IGF1R: variants seen among roughly 807,000 people sequenced by gnomAD.
The protein encoded by IGF1R is insulin-like growth factor 1 receptor.
Under a neutral mutation model 144.6 loss-of-function variants are expected in IGF1R, and 44 were observed. The ratio of observed to expected loss-of-function variants is 0.30; its 90% CI spans 0.24 to 0.39. The LOEUF (loss-of-function observed/expected upper bound fraction) is 0.39, where lower values mean the gene tolerates loss of function less well. IGF1R is among the 10% of genes least tolerant of loss of function. The probability of loss-of-function intolerance (pLI) is 1.00; values close to 1 mark genes in which losing one functional copy is unlikely to be tolerated. For synonymous variants in IGF1R, 795 were observed against 722.8 expected (o/e 1.10, Z -1.60); for missense variants, 1,355 against 1,833.7 (o/e 0.74, Z 4.77).
At chr15:98,812,761 T>G (rs1330914365) in intron 2 of IGF1R, among the ~76,000 whole-genome samples, 1 of 152,198 alleles carries the variant, frequency 6.6e-6, no homozygotes, top group Admixed American at 6.5e-5. Context: ...TGCCCCCAAC[T>G]TTTATCTTGG....
Position 98,959,891 on chromosome 15 carries a change from TTTTAA to T in IGF1R, c.*2454_*2458del, listed in dbSNP as rs749897040. On this transcript the variant is annotated 3_prime_UTR_variant, in exon 21 of 21. Transcript: ENST00000650285. The stretch of plus-strand genomic sequence containing the variant: ...AAAGGTATTATATGTAGGAGTTTTC[TTTTAA>T]TTTATTTTGTGATAAATTACCAGTT... The T allele has an allele frequency of 2.0e-3, 475 of 233,144 alleles. 1 individual carries two copies. Among genetic ancestry groups the T allele is most frequent in the African/African-American group, 8.5e-3 (386 of 45,412 alleles). 14.4% of individuals were successfully genotyped at this position (233,144 alleles called of 1,614,324 possible). A position where few individuals can be genotyped will look rare whatever the true frequency, so the allele number is the denominator to read the frequency against.
intron 2 of IGF1R, among the ~76,000 whole-genome samples, chr15:98,817,631 G>T (rs571066882): frequency 3.9e-5 from 6 of 152,284 alleles, no homozygotes; most frequent in African/African-American, 1.4e-4. Context: ...GACCAGCAAG[G>T]CTGGAACTTG....
intron 1 of IGF1R, among the ~76,000 whole-genome samples, chr15:98,654,428 T>A (rs910422001): frequency 7.2e-5 from 11 of 152,252 alleles, no homozygotes; most frequent in African/African-American, 2.7e-4. Flanking sequence ...TTTTCTGGAT[T>A]ACATATTGCT....
At chr15:98,847,063 A>C (rs914534589) in intron 2 of IGF1R, among the ~76,000 whole-genome samples, 4 of 151,954 alleles carry the variant, frequency 2.6e-5, no homozygotes, top group African/African-American at 7.3e-5. Context: ...TGCAACCTCT[A>C]CCTCCTGGGT....
At chr15:98,879,327 C>A (rs895675659) in intron 2 of IGF1R, among the ~76,000 whole-genome samples, 2 of 152,120 alleles carry the variant, frequency 1.3e-5, no homozygotes, top group African/African-American at 4.8e-5. Context: ...AAATTCCGCC[C>A]CCAGCCCCTT....
At chr15:98,849,207 C>T (rs2011453240) in intron 2 of IGF1R, among the ~76,000 whole-genome samples, 1 of 152,094 alleles carries the variant, frequency 6.6e-6, no homozygotes, top group African/African-American at 2.4e-5. Flanking sequence ...ACCAATGGAA[C>T]AGAATAGAAA....
chr15:98,732,350 C>T (rs560786128), intron 2 of IGF1R, among the ~76,000 whole-genome samples: 3 of 152,186 alleles, frequency 2.0e-5, no homozygotes, highest in Non-Finnish European at 2.9e-5. Context: ...CAGATGTCCT[C>T]TAAGAATGAA....
At chr15:98,957,027 G>A (rs2593053) in intron 20 of IGF1R, 34 bp from the exon 21 acceptor site, 619,380 of 1,612,068 alleles carry the variant, frequency 0.38, 122,698 homozygotes, top group Non-Finnish European at 0.41. Context: ...GCGCCCTCCC[G>A]GTTTGGACCC....
chr15:98,898,709 C>A (rs1249086498), intron 4 of IGF1R, among the ~76,000 whole-genome samples: 1 of 152,152 alleles, frequency 6.6e-6, no homozygotes, highest in East Asian at 1.9e-4. Context: ...TTGGACCACA[C>A]CCAGTTCATT....
At chr15:98,766,263 G>A (rs2055435858) in intron 2 of IGF1R, among the ~76,000 whole-genome samples, 2 of 152,282 alleles carry the variant, frequency 1.3e-5, no homozygotes, top group South Asian at 4.1e-4. Context: ...AATTATCCAA[G>A]CGATGAATAT....
chr15:98,793,550 C>G (rs2056172827), intron 2 of IGF1R, among the ~76,000 whole-genome samples: 1 of 152,188 alleles, frequency 6.6e-6, no homozygotes, highest in Admixed American at 6.5e-5. Context: ...CAGTGCTTCT[C>G]TATACTAAAA....
At chr15:98,750,820 A>C (rs1320327741) in intron 2 of IGF1R, among the ~76,000 whole-genome samples, 1 of 152,124 alleles carries the variant, frequency 6.6e-6, no homozygotes, top group Non-Finnish European at 1.5e-5. Flanking sequence ...ACGGGATCTT[A>C]CTGTCACCCA....
chr15:98,856,302 C>T (rs953778248), intron 2 of IGF1R, among the ~76,000 whole-genome samples: 18 of 152,354 alleles, frequency 1.2e-4, no homozygotes, highest in Non-Finnish European at 1.8e-4. Flanking sequence ...GGCTATATGA[C>T]GGGCATCGTC....
intron 13 of IGF1R, 141 bp from the exon 14 acceptor site, chr15:98,929,417 A>G (rs1467984515): frequency 4.1e-6 from 3 of 724,392 alleles, no homozygotes; most frequent in South Asian, 1.5e-5. Context: ...GACACCATTT[A>G]CCTTCAGGAA....
At chr15:98,792,786 C>T (rs2056155609) in intron 2 of IGF1R, among the ~76,000 whole-genome samples, 1 of 152,132 alleles carries the variant, frequency 6.6e-6, no homozygotes. Flanking sequence ...ATATTTTGTA[C>T]TGATACTCTG....
At chr15:98,691,202 T>G (rs2053466639) in intron 1 of IGF1R, among the ~76,000 whole-genome samples, 1 of 152,122 alleles carries the variant, frequency 6.6e-6, no homozygotes, top group Non-Finnish European at 1.5e-5. Flanking sequence ...CTGTGCAGAA[T>G]AGCGCATCAC....
intron 2 of IGF1R, among the ~76,000 whole-genome samples, chr15:98,796,988 C>A: frequency 6.6e-6 from 1 of 152,154 alleles, no homozygotes; most frequent in East Asian, 1.9e-4. Flanking sequence ...TGAGCCTGTT[C>A]CCCCCTCATT....
intron 2 of IGF1R, among the ~76,000 whole-genome samples, chr15:98,852,295 GGC>G (rs1224101384): frequency 1.3e-5 from 2 of 152,066 alleles, no homozygotes; most frequent in Non-Finnish European, 2.9e-5. Context: ...CCTTTTGTCT[GGC>G]GCGCGCGCCC....
In IGF1R at chr15:98,881,051, G is replaced by GA. The variant is rs549902808; in HGVS notation, c.641-10264dup. On this transcript the variant is annotated intron_variant, in intron 2 of 20. Transcript: ENST00000650285. Reference sequence around the variant, plus strand: ...GAAACTGCTTGCACACTTCTGCAGAGAAAAAAAAAAGTTCCATTTGCTGGA... The same window carrying GA: ...GAAACTGCTTGCACACTTCTGCAGAGAAAAAAAAAAAGTTCCATTTGCTGGA... Among the ~76,000 whole-genome samples the GA allele has an allele frequency of 9.7e-3, 1,437 of 148,886 alleles. 19 individuals carry two copies. The highest frequency in any genetic ancestry group is 0.032 in the African/African-American group (1,315 of 40,704).
Sources: gnomAD v4.1 joint callset for allele counts (sites outside exome capture counted in the v4.1 genomes callset) on GRCh38, gnomAD v4.1.1 for gene constraint, MANE v1.5 for transcripts, NCBI Gene and HGNC (gene_info 2026-07-23, HGNC 2026-07-21) for gene names.